Variants in NUBPL observed in about 807,000 individuals in gnomAD.
The protein encoded by NUBPL is iron-sulfur cluster transfer protein NUBPL.
NUBPL carries 31 observed loss-of-function variants against 45.7 expected under a neutral mutation model. The ratio of observed to expected loss-of-function variants is 0.68; its 90% CI spans 0.51 to 0.92. The LOEUF is 0.92. Among genes scored for constraint, NUBPL ranks in the 40% least tolerant of loss-of-function variants. The pLI is 0.00. For missense variants in NUBPL, 401 were observed against 398.7 expected, an observed-to-expected ratio of 1.01 and a Z score of -0.05; for synonymous variants, 144 against 140.9, an observed-to-expected ratio of 1.02 and a Z score of -0.15.
intron 10 of NUBPL, among the ~76,000 whole-genome samples, chr14:31,852,576 C>G (rs1183933738): frequency 6.6e-6 from 1 of 152,090 alleles, no homozygotes; most frequent in Non-Finnish European, 1.5e-5. Context: ...GAGGCTGAGG[C>G]AGGAGAATCA....
intron 4 of NUBPL, among the ~76,000 whole-genome samples, chr14:31,649,940 A>C (rs973984762): frequency 4.6e-5 from 7 of 151,792 alleles, no homozygotes; most frequent in Non-Finnish European, 8.8e-5. Flanking sequence ...GCTCACTGCA[A>C]CCTCCGCCTC....
At chr14:31,820,314 C>T (rs994812353) in intron 7 of NUBPL, among the ~76,000 whole-genome samples, 2 of 152,072 alleles carry the variant, frequency 1.3e-5, no homozygotes, top group African/African-American at 2.4e-5. Context: ...TTCTATCAGT[C>T]CCTTCATCAC....
intron 3 of NUBPL, among the ~76,000 whole-genome samples, chr14:31,565,733 T>C (rs755384848): frequency 2.6e-5 from 4 of 152,130 alleles, no homozygotes; most frequent in Non-Finnish European, 4.4e-5. Context: ...TATTCTTATA[T>C]ACTAAGTGAT....
chr14:31,678,912 A>G (rs1310201756), intron 6 of NUBPL, among the ~76,000 whole-genome samples: 1 of 152,058 alleles, frequency 6.6e-6, no homozygotes, highest in East Asian at 1.9e-4. Flanking sequence ...TTTATTTAGA[A>G]TCCCAGAGCA....
chr14:31,571,530 A>T (rs997136313), intron 3 of NUBPL, among the ~76,000 whole-genome samples: 1 of 151,402 alleles, frequency 6.6e-6, no homozygotes. Flanking sequence ...GCTCACTGCA[A>T]CCTCTGCCTC....
intron 6 of NUBPL, among the ~76,000 whole-genome samples, chr14:31,710,636 C>T (rs1477307050): frequency 2.6e-4 from 40 of 152,170 alleles, no homozygotes; most frequent in Admixed American, 2.6e-3. Context: ...AGTACTGGAA[C>T]CTTACCCGTG....
chr14:31,791,296 A>T (rs2039377657), intron 7 of NUBPL, among the ~76,000 whole-genome samples: 1 of 152,228 alleles, frequency 6.6e-6, no homozygotes. Flanking sequence ...ATAAAAATGA[A>T]AAAAGATTTA....
rs142148781 is a variant in NUBPL, at chr14:31,684,541, A to G, written c.513+10967A>G. Among the ~76,000 whole-genome samples, 322 of 152,298 alleles carry G rather than the reference A, an allele frequency of 2.1e-3. 1 individual carries two copies. The highest frequency in any genetic ancestry group is 7.3e-3 in the African/African-American group (305 of 41,548). On this transcript the variant is annotated intron_variant, in intron 6 of 10. Coordinates refer to ENST00000281081, the MANE Select transcript of NUBPL (RefSeq NM_025152.3). ...GAATACAGATCGGAAAGCTGCATGT[A>G]TACCAACTGGTGGTTCATGTTGTTA...
At chr14:31,739,915 A>G (rs1055069973) in intron 6 of NUBPL, among the ~76,000 whole-genome samples, 1 of 152,228 alleles carries the variant, frequency 6.6e-6, no homozygotes, top group African/African-American at 2.4e-5. Flanking sequence ...TACAGTATGT[A>G]GACTTTTCTG....
intron 7 of NUBPL, among the ~76,000 whole-genome samples, chr14:31,789,334 A>G (rs570920118): frequency 2.0e-5 from 3 of 152,206 alleles, no homozygotes; most frequent in African/African-American, 7.2e-5. Context: ...CTCAAAAGAA[A>G]AAAAATAAAT....
At chr14:31,622,059 T>A (rs1051935596) in intron 4 of NUBPL, among the ~76,000 whole-genome samples, 1 of 152,138 alleles carries the variant, frequency 6.6e-6, no homozygotes, top group African/African-American at 2.4e-5. Context: ...TAGATGGAGA[T>A]GAGGAACTTC....
chr14:31,850,930 G>T (rs1042760997), intron 10 of NUBPL, among the ~76,000 whole-genome samples: 2 of 152,044 alleles, frequency 1.3e-5, no homozygotes, highest in African/African-American at 4.8e-5. Flanking sequence ...GCCTAGAGAT[G>T]AAATTTTCAT....
chr14:31,778,571 T>A (rs535922844), intron 6 of NUBPL, among the ~76,000 whole-genome samples: 104 of 152,274 alleles, frequency 6.8e-4, no homozygotes, highest in African/African-American at 2.5e-3. Context: ...GTAAAATGAG[T>A]TCCTTAGTCA....
chr14:31,738,231 A>G (rs1465514034), intron 6 of NUBPL, among the ~76,000 whole-genome samples: 2 of 152,242 alleles, frequency 1.3e-5, no homozygotes, highest in Admixed American at 6.5e-5. Context: ...AGCTCTGGAA[A>G]TTACTCAGGA....
chr14:31,624,638 C>T (rs2035156661), intron 4 of NUBPL, among the ~76,000 whole-genome samples: 1 of 152,166 alleles, frequency 6.6e-6, no homozygotes, highest in Non-Finnish European at 1.5e-5. Flanking sequence ...AATCTCGGCT[C>T]ACTGCAACCT....
At position 31,650,937 on chromosome 14, in the gene NUBPL, C is replaced by T. The variant is rs1000925322; in HGVS notation, c.383-22418C>T. ...AAGGTGCCAGGCTCTTTTTTAACAACCAGCACACATAGGAACTAATAGAGA... is the reference window on the plus strand; with the variant it reads ...AAGGTGCCAGGCTCTTTTTTAACAATCAGCACACATAGGAACTAATAGAGA... On this transcript the variant is annotated intron_variant, in intron 4 of 10. Coordinates refer to ENST00000281081, the MANE Select transcript of NUBPL (RefSeq NM_025152.3). Among the ~76,000 whole-genome samples the T allele has an allele frequency of 2.6e-5, 4 of 152,140 alleles. No individual in the cohort carries two copies. The East Asian group carries it at 7.7e-4, about 29-fold the overall frequency.
chr14:31,816,687 A>C (rs889802860), intron 7 of NUBPL, among the ~76,000 whole-genome samples: 1 of 152,152 alleles, frequency 6.6e-6, no homozygotes, highest in African/African-American at 2.4e-5. Context: ...ATTTCCCTCT[A>C]AACACCACTT....
intron 6 of NUBPL, among the ~76,000 whole-genome samples, chr14:31,686,385 C>G (rs2036953223): frequency 2.0e-5 from 3 of 152,044 alleles, no homozygotes; most frequent in Admixed American, 2.0e-4. Flanking sequence ...GAGGAAGAAG[C>G]AATTCAGTAG....
intron 6 of NUBPL, among the ~76,000 whole-genome samples, chr14:31,729,600 G>A (rs1389803528): frequency 6.6e-6 from 1 of 151,814 alleles, no homozygotes; most frequent in Non-Finnish European, 1.5e-5. Context: ...GAATCTTTTT[G>A]CCTTTATATG....
Sources: gnomAD v4.1 joint callset for allele counts (sites outside exome capture counted in the v4.1 genomes callset) on GRCh38, gnomAD v4.1.1 for gene constraint, MANE v1.5 for transcripts, NCBI Gene and HGNC (gene_info 2026-07-23, HGNC 2026-07-21) for gene names.